PABPC4L: variants seen among roughly 807,000 people sequenced by gnomAD.
PABPC4L encodes the protein polyadenylate-binding protein 4-like.
For missense variants in PABPC4L, 452 were observed against 451.4 expected, an observed-to-expected ratio of 1.00 and a Z score of -0.01; for synonymous variants, 169 against 164.1, an observed-to-expected ratio of 1.03 and a Z score of -0.23.
chr4:134,047,786 T>G, the PABPC4L span, among the ~76,000 whole-genome samples: 3 of 145,378 alleles, frequency 2.1e-5, no homozygotes, highest in Non-Finnish European at 4.5e-5. Flanking sequence ...TAAACTTGTG[T>G]TTTTTTCTCT....
chr4:133,980,231 T>G, the PABPC4L span, among the ~76,000 whole-genome samples: 1 of 152,172 alleles, frequency 6.6e-6, no homozygotes, highest in Non-Finnish European at 1.5e-5. Flanking sequence ...AACCAAAATC[T>G]AGGCTTCTTA....
the PABPC4L span, among the ~76,000 whole-genome samples, chr4:134,000,009 G>A: frequency 6.6e-6 from 1 of 151,972 alleles, no homozygotes; most frequent in African/African-American, 2.4e-5. Context: ...TGGCTTGTAA[G>A]TTATATTTTA....
chr4:134,015,521 G>A, the PABPC4L span, among the ~76,000 whole-genome samples: 2 of 152,124 alleles, frequency 1.3e-5, no homozygotes, highest in Non-Finnish European at 2.9e-5. Flanking sequence ...TACCTGGGCT[G>A]TACTGCTGCA....
the PABPC4L span, among the ~76,000 whole-genome samples, chr4:134,070,688 T>C: frequency 3.3e-5 from 5 of 151,926 alleles, no homozygotes; most frequent in Non-Finnish European, 4.4e-5. Flanking sequence ...GCAGGTGAAC[T>C]GGTACATGTT....
chr4:134,160,619 A>G, the PABPC4L span, among the ~76,000 whole-genome samples: 1 of 152,154 alleles, frequency 6.6e-6, no homozygotes, highest in Non-Finnish European at 1.5e-5. Flanking sequence ...GCTCCTGTCT[A>G]TAATCCCAGC....
At chr4:133,952,187 A>G in the PABPC4L span, among the ~76,000 whole-genome samples, 1 of 152,134 alleles carries the variant, frequency 6.6e-6, no homozygotes, top group Admixed American at 6.5e-5. Flanking sequence ...GACGTTTTCT[A>G]AGACTTGACC....
the PABPC4L span, among the ~76,000 whole-genome samples, chr4:134,046,138 C>T: frequency 2.6e-5 from 4 of 151,992 alleles, no homozygotes; most frequent in Non-Finnish European, 4.4e-5. Context: ...AGCACTGGCA[C>T]CAGTCTCTGA....
At chr4:133,961,587 G>A in the PABPC4L span, among the ~76,000 whole-genome samples, 132 of 152,302 alleles carry the variant, frequency 8.7e-4, 1 homozygote, top group African/African-American at 3.1e-3. Flanking sequence ...CACTTGAGAT[G>A]GCAATGGCAA....
At chr4:134,133,070 T>C in the PABPC4L span, among the ~76,000 whole-genome samples, 1 of 136,894 alleles carries the variant, frequency 7.3e-6, no homozygotes, top group African/African-American at 2.7e-5. Flanking sequence ...GTATATATAA[T>C]TTATCACATA....
chr4:134,020,650 C>A, the PABPC4L span, among the ~76,000 whole-genome samples: 1 of 151,996 alleles, frequency 6.6e-6, no homozygotes, highest in Admixed American at 6.6e-5. Flanking sequence ...TACTAGCCTA[C>A]AACACCAACC....
the PABPC4L span, among the ~76,000 whole-genome samples, chr4:134,085,107 A>T: frequency 6.6e-6 from 1 of 151,976 alleles, no homozygotes; most frequent in African/African-American, 2.4e-5. Context: ...GACATTATTC[A>T]CGAAGAATCA....
chr4:133,983,303 C>T, the PABPC4L span, among the ~76,000 whole-genome samples: 3 of 151,834 alleles, frequency 2.0e-5, no homozygotes, highest in Admixed American at 2.0e-4. Context: ...AAGGTAATAA[C>T]ATCTATATAT....
the PABPC4L span, among the ~76,000 whole-genome samples, chr4:133,957,317 A>C: frequency 6.6e-6 from 1 of 152,190 alleles, no homozygotes; most frequent in African/African-American, 2.4e-5. Context: ...TGGGGCAGTC[A>C]TTAAACCTTA....
At chr4:134,137,673 A>G in the PABPC4L span, among the ~76,000 whole-genome samples, 1 of 151,850 alleles carries the variant, frequency 6.6e-6, no homozygotes, top group African/African-American at 2.4e-5. Flanking sequence ...AAGTACATCA[A>G]TTCTAAGCCG....
chr4:133,992,072 G>A, the PABPC4L span, among the ~76,000 whole-genome samples: 1 of 152,120 alleles, frequency 6.6e-6, no homozygotes, highest in Non-Finnish European at 1.5e-5. Flanking sequence ...AGTGTTTTAG[G>A]GTGGCATGGA....
At chr4:134,124,743 G>T in the PABPC4L span, among the ~76,000 whole-genome samples, 1 of 151,950 alleles carries the variant, frequency 6.6e-6, no homozygotes, top group Non-Finnish European at 1.5e-5. Context: ...TCACAGGGTG[G>T]CCTGGTGCAA....
the PABPC4L span, among the ~76,000 whole-genome samples, chr4:134,013,383 CTT>C: frequency 6.6e-6 from 1 of 152,044 alleles, no homozygotes; most frequent in Admixed American, 6.6e-5. Flanking sequence ...TCTCTACTCT[CTT>C]TTCTCTGGGC....
chr4:134,022,411 C>T, the PABPC4L span, among the ~76,000 whole-genome samples: 1 of 152,206 alleles, frequency 6.6e-6, no homozygotes, highest in African/African-American at 2.4e-5. Flanking sequence ...GAATAAAACA[C>T]ACACACACAT....
At chr4:134,156,274 A>T in the PABPC4L span, among the ~76,000 whole-genome samples, 374 of 152,110 alleles carry the variant, frequency 2.5e-3, 1 homozygote, top group African/African-American at 8.5e-3. Flanking sequence ...AGAATGAGAC[A>T]TATGTTTAAC....
Sources: allele counts gnomAD v4.1 joint callset (sites outside exome capture counted in the v4.1 genomes callset), GRCh38; gene constraint gnomAD v4.1.1; transcripts MANE v1.5; gene names NCBI Gene and HGNC (gene_info 2026-07-23, HGNC 2026-07-21).